RBFOX1: variants seen among roughly 807,000 people sequenced by gnomAD.
The protein encoded by RBFOX1 is RNA binding protein fox-1 homolog 1.
RBFOX1 carries 8 observed loss-of-function variants against 57.7 expected under a neutral mutation model. The observed-to-expected ratio is 0.14, with a 90% CI of 0.08 to 0.25. RBFOX1 has a LOEUF of 0.25. RBFOX1 is among the 10% of genes least tolerant of loss of function. The probability of loss-of-function intolerance (pLI) is 1.00; values close to 1 mark genes in which losing one functional copy is unlikely to be tolerated. For synonymous variants in RBFOX1, 326 were observed against 222.4 expected, an observed-to-expected ratio of 1.47 and a Z score of -4.15; for missense variants, 611 against 548.5, an observed-to-expected ratio of 1.11 and a Z score of -1.14.
At chr16:7,411,340 A>G (rs996276518) in intron 4 of RBFOX1, among the ~76,000 whole-genome samples, 3 of 152,152 alleles carry the variant, frequency 2.0e-5, no homozygotes, top group African/African-American at 7.2e-5. Flanking sequence ...TTTAGCCACA[A>G]TTCCACATTA....
At chr16:6,166,440 G>C (rs9936639) in intron 1 of RBFOX1, among the ~76,000 whole-genome samples, 83,243 of 150,706 alleles carry the variant, frequency 0.55, 23,971 homozygotes, top group African/African-American at 0.72. Flanking sequence ...TCATCAAGGT[G>C]TCTCTCTCTT....
intron 4 of RBFOX1, among the ~76,000 whole-genome samples, chr16:7,474,384 C>G (rs964250116): frequency 6.6e-6 from 1 of 152,106 alleles, no homozygotes; most frequent in African/African-American, 2.4e-5. Flanking sequence ...TTTGTGTTCC[C>G]CAGTGCACTT....
intron 13 of RBFOX1, among the ~76,000 whole-genome samples, chr16:7,667,729 G>A (rs973793750): frequency 1.3e-5 from 2 of 152,116 alleles, no homozygotes; most frequent in Non-Finnish European, 2.9e-5. Context: ...CGCCCAGGCT[G>A]GAGTGCGGTG....
At chr16:5,508,723 C>CG (rs527702240) in intron 2 of RBFOX1, among the ~76,000 whole-genome samples, 7 of 151,998 alleles carry the variant, frequency 4.6e-5, no homozygotes, top group Non-Finnish European at 8.8e-5. Flanking sequence ...CAAGGTGGGG[C>CG]GGGGGAGATT....
At chr16:6,965,315 T>TTGTGTGTGTGTGTG (rs57603257) in intron 3 of RBFOX1, among the ~76,000 whole-genome samples, 1 of 147,454 alleles carries the variant, frequency 6.8e-6, no homozygotes, top group Non-Finnish European at 1.5e-5. Context: ...TTTTCTTTTG[T>TTGTGTGTGTGTGTG]TGTGTGTGTG....
intron 3 of RBFOX1, among the ~76,000 whole-genome samples, chr16:5,677,644 G>A (rs78117416): frequency 4.6e-5 from 7 of 152,102 alleles, no homozygotes; most frequent in East Asian, 1.9e-4. Context: ...TATTCCCTGC[G>A]CTCATGGAAT....
chr16:7,372,826 G>A (rs954045001), intron 4 of RBFOX1, among the ~76,000 whole-genome samples: 2 of 152,016 alleles, frequency 1.3e-5, no homozygotes, highest in Non-Finnish European at 2.9e-5. Context: ...GAGACAGAGA[G>A]AGAGAAGTTA....
chr16:5,742,934 G>A (rs2052829564), intron 3 of RBFOX1, among the ~76,000 whole-genome samples: 1 of 152,216 alleles, frequency 6.6e-6, no homozygotes, highest in Non-Finnish European at 1.5e-5. Flanking sequence ...ACCATGGTGT[G>A]TATCACAGCA....
intron 3 of RBFOX1, among the ~76,000 whole-genome samples, chr16:7,001,434 A>T (rs1228100187): frequency 2.6e-5 from 4 of 151,782 alleles, no homozygotes; most frequent in African/African-American, 4.8e-5. Flanking sequence ...GTATATGTAT[A>T]TGTATATGTA....
intron 4 of RBFOX1, among the ~76,000 whole-genome samples, chr16:5,902,305 G>C (rs982950212): frequency 3.3e-5 from 5 of 152,146 alleles, no homozygotes; most frequent in African/African-American, 1.2e-4. Flanking sequence ...AAATAATAGA[G>C]CTAGAATTTG....
chr16:5,255,984 A>G (rs2062582424), intron 1 of RBFOX1, among the ~76,000 whole-genome samples: 1 of 151,936 alleles, frequency 6.6e-6, no homozygotes, highest in Admixed American at 6.6e-5. Flanking sequence ...GTCACATTAA[A>G]AGTGCATCAT....
At chr16:6,155,677 A>C (rs993273681) in intron 1 of RBFOX1, among the ~76,000 whole-genome samples, 1 of 152,192 alleles carries the variant, frequency 6.6e-6, no homozygotes, top group Non-Finnish European at 1.5e-5. Context: ...CTTAACTCCG[A>C]GTACAATGAC....
At chr16:6,641,396 G>C (rs1490530676) in intron 2 of RBFOX1, among the ~76,000 whole-genome samples, 1 of 152,134 alleles carries the variant, frequency 6.6e-6, no homozygotes, top group Admixed American at 6.5e-5. Flanking sequence ...GAGCATTGCT[G>C]TTTTGTTTTG....
At chr16:6,887,849 G>C (rs1486223512) in intron 3 of RBFOX1, among the ~76,000 whole-genome samples, 1 of 151,998 alleles carries the variant, frequency 6.6e-6, no homozygotes, top group Non-Finnish European at 1.5e-5. Flanking sequence ...TTTTAGTAGA[G>C]GTGGGGTTTG....
At chr16:7,688,254 T>A (rs879324464) in intron 14 of RBFOX1, among the ~76,000 whole-genome samples, 5,919 of 115,388 alleles carry the variant, frequency 0.051, 229 homozygotes, top group Admixed American at 0.15. Flanking sequence ...TGTGTGTGTG[T>A]GTGTGTGAGA....
At chr16:7,130,809 G>C (rs924980809) in intron 4 of RBFOX1, among the ~76,000 whole-genome samples, 1 of 152,178 alleles carries the variant, frequency 6.6e-6, no homozygotes, top group African/African-American at 2.4e-5. Flanking sequence ...GGAAAACTGA[G>C]TGGGGAACAA....
rs939530765 is a variant in RBFOX1 at position 5,273,632 on chromosome 16, A to G, written c.219+33527A>G. Among the ~76,000 whole-genome samples, 8 of 152,144 alleles carry G rather than the reference A, an allele frequency of 5.3e-5. 1 individual carries two copies. The highest frequency in any genetic ancestry group is 1.2e-4 in the Non-Finnish European group (8 of 68,034). On this transcript the variant is annotated intron_variant, in intron 1 of 2. Coordinates refer to the RBFOX1 transcript ENST00000585867. The stretch of plus-strand genomic sequence containing the variant: ...CGGGGGAGTGGTGGATATCAGAGGA[A>G]GCCAAGATGAAGAGAAGGTTTTTGT...
intron 4 of RBFOX1, among the ~76,000 whole-genome samples, chr16:7,510,928 G>T (rs1194525343): frequency 6.6e-6 from 1 of 152,206 alleles, no homozygotes; most frequent in Non-Finnish European, 1.5e-5. Context: ...TAAGGGTTGA[G>T]TTAAGGCCAG....
chr16:7,519,931 G>A (rs1362820640), intron 5 of RBFOX1, among the ~76,000 whole-genome samples: 1 of 152,138 alleles, frequency 6.6e-6, no homozygotes, highest in Non-Finnish European at 1.5e-5. Context: ...TGTTGCCCAG[G>A]CTGGAGTGCG....
Sources: allele counts gnomAD v4.1 joint callset (sites outside exome capture counted in the v4.1 genomes callset), GRCh38; gene constraint gnomAD v4.1.1; transcripts MANE v1.5; gene names NCBI Gene and HGNC (gene_info 2026-07-23, HGNC 2026-07-21).